Variants in EVC observed in about 807,000 individuals in gnomAD.
EVC encodes the protein evC complex member EVC.
Under a neutral mutation model 118.9 loss-of-function variants are expected in EVC, and 116 were observed. The ratio of observed to expected loss-of-function variants is 0.98; its 90% CI spans 0.84 to 1.14. The LOEUF (loss-of-function observed/expected upper bound fraction) is 1.14, where lower values mean the gene tolerates loss of function less well. EVC is among the 50% of genes most tolerant of loss of function. The pLI, the probability that EVC is intolerant of heterozygous loss-of-function variation, is 0.00. For missense variants in EVC, 1,401 were observed against 1,246.4 expected, an observed-to-expected ratio of 1.12 and a Z score of -1.87; for synonymous variants, 619 against 534.7, an observed-to-expected ratio of 1.16 and a Z score of -2.18.
intron 12 of EVC, among the ~76,000 whole-genome samples, chr4:5,791,202 G>A (rs1712719058): frequency 6.6e-6 from 1 of 152,200 alleles, no homozygotes; most frequent in African/African-American, 2.4e-5. Flanking sequence ...CGAACTAGAA[G>A]ATAAATGTGA....
In EVC at chr4:5,731,865, G is replaced by T. The variant is rs1726880547; in HGVS notation, c.617+208G>T. ...CCCAACACTGGGGTTATGGAGTCAG[G>T]CCTGAGCCCCGGGGAGAGATGACAG... On this transcript the variant is annotated intron_variant, in intron 4 of 20. Transcript: ENST00000264956. The surrounding 1 kb of genome is among the most constrained non-coding windows in gnomAD (Gnocchi z 5.6). 6.6e-6 allele frequency among the ~76,000 whole-genome samples: 1 copy of T among 152,154 alleles called. No individual in the cohort carries two copies. Among genetic ancestry groups the T allele is most frequent in the Admixed American group, 6.5e-5 (1 of 15,274 alleles).
rs544853403 is a variant in EVC, at chr4:5,746,999, G to A, written c.940-1149G>A. Among the ~76,000 whole-genome samples the A allele has an allele frequency of 1.8e-3, 275 of 152,250 alleles. No individual in the cohort carries two copies. The highest frequency in any genetic ancestry group is 6.2e-3 in the South Asian group (30 of 4,822). ...CAGTCACGTGGCAGGTGGAAGGCAG[G>A]TCATCTGATGGCTCCAAGGGGAAGA... is the stretch of plus-strand genomic sequence containing the variant. On this transcript the variant is annotated intron_variant, in intron 7 of 20. Transcript: ENST00000264956. The surrounding 1 kb of genome is among the most constrained non-coding windows in gnomAD (Gnocchi z 5.8).
intron 11 of EVC, among the ~76,000 whole-genome samples, chr4:5,779,775 TG>T (rs1172171108): frequency 7.3e-5 from 10 of 137,244 alleles, no homozygotes; most frequent in African/African-American, 2.3e-4. Context: ...TATACAATCA[TG>T]TCGTCTGCAA....
intron 1 of EVC, among the ~76,000 whole-genome samples, chr4:5,716,969 G>C (rs10804967): frequency 0.83 from 126,432 of 152,198 alleles, 52,827 homozygotes; most frequent in African/African-American, 0.92. Context: ...CCACGATGGT[G>C]TTGGTGAAAG....
In EVC at chr4:5,738,768, T is replaced by C. The variant is rs1304486429; in HGVS notation, c.703-2948T>C. On this transcript the variant is annotated intron_variant, in intron 5 of 20. Transcript: ENST00000264956. This position sits in a 1 kb window ranked among gnomAD's most constrained non-coding sequence, Gnocchi z 6.5. ...TTTTAGTAGAGACGGGGTTTCACCATGTTGGCCAGGATGGGTCTCAATCTC... is the reference window on the plus strand; with the variant it reads ...TTTTAGTAGAGACGGGGTTTCACCACGTTGGCCAGGATGGGTCTCAATCTC... Among the ~76,000 whole-genome samples, 1 of 152,118 alleles carries C rather than the reference T, an allele frequency of 6.6e-6. No individual in the cohort carries two copies. The highest frequency in any genetic ancestry group is 6.6e-5 in the Admixed American group (1 of 15,266).
At chr4:5,825,360 G>A in the EVC span, 29 of 1,433,568 alleles carry the variant, frequency 2.0e-5, no homozygotes, top group Middle Eastern at 2.6e-4. The surrounding 1 kb of genome is among the most constrained non-coding windows in gnomAD (Gnocchi z 4.4). Context: ...GAGCAGGCTC[G>A]GGTGGGGCAC....
rs758038673 is a variant in EVC at position 5,808,268 on chromosome 4, C to G, written c.2629C>G (p.Gln877Glu). The G allele has an allele frequency of 2.0e-5, 33 of 1,612,646 alleles. No homozygotes were observed. The highest frequency in any genetic ancestry group is 2.7e-5 in the Non-Finnish European group (32 of 1,179,428). The change falls in exon 18 of 21, where the codon CAG becomes GAG. Residue 877 changes from glutamine to glutamate, a missense_variant. By Grantham distance (29) the Gln-to-Glu change is conservative. Transcript: ENST00000264956. ...GCACCAGCAGATGCGTCTGCACGCC[C>G]AGCAGCAGCAGGCAGGAGTCATGGA... ...PVHQQMRLHA[Q>E]QQQAGVMDLL...
chr4:5,724,700 A>ATT (rs36029145), intron 2 of EVC, among the ~76,000 whole-genome samples: 4,661 of 144,854 alleles, frequency 0.032, 254 homozygotes, highest in African/African-American at 0.12. Flanking sequence ...TTTCCCTGTT[A>ATT]TTTTTTTTTT....
Position 5,741,475 on chromosome 4 carries a change from A to T in EVC, c.703-241A>T, listed in dbSNP as rs372166519. Among the ~76,000 whole-genome samples, 8 of 152,342 alleles carry T rather than the reference A, an allele frequency of 5.3e-5. No homozygotes were observed. The East Asian group carries it at 1.2e-3, about 22-fold the overall frequency. Reference sequence around the variant, plus strand: ...TCAATATTTGTTGAATACATGCATGAGGAAGAAAGGAAGCTTTTTAAGGAA... The same window carrying T: ...TCAATATTTGTTGAATACATGCATGTGGAAGAAAGGAAGCTTTTTAAGGAA... On this transcript the variant is annotated intron_variant, in intron 5 of 20. Coordinates refer to ENST00000264956, the MANE Select transcript of EVC (RefSeq NM_153717.3).
intron 16 of EVC, among the ~76,000 whole-genome samples, chr4:5,802,369 G>T (rs1715167295): frequency 6.6e-6 from 1 of 152,116 alleles, no homozygotes; most frequent in African/African-American, 2.4e-5. Context: ...CAGGGCCAGG[G>T]CTTATCTAGG....
chr4:5,825,770 GTGCA>G, the EVC span: 1 of 1,043,200 alleles, frequency 9.6e-7, no homozygotes, highest in South Asian at 1.5e-5. The surrounding 1 kb of genome is among the most constrained non-coding windows in gnomAD (Gnocchi z 4.4). Flanking sequence ...CACTTCAAAT[GTGCA>G]TGCACACACA....
At chr4:5,774,888 A>G (rs1423809026) in intron 11 of EVC, among the ~76,000 whole-genome samples, 4 of 152,164 alleles carry the variant, frequency 2.6e-5, no homozygotes, top group Admixed American at 2.6e-4. Context: ...GACATATGCC[A>G]GCATTAGTGG....
rs924386759 is a variant in EVC, at chr4:5,731,530, C to T, written c.490C>T (p.Leu164=). The T allele has an allele frequency of 3.1e-6, 5 of 1,613,998 alleles. No individual in the cohort carries two copies. The African/African-American group carries it at 6.7e-5, about 22-fold the overall frequency. The change falls in exon 4 of 21, where the codon CTG becomes TTG. Residue 164 remains leucine (L), a synonymous_variant. Transcript: ENST00000264956. The surrounding 1 kb of genome is among the most constrained non-coding windows in gnomAD (Gnocchi z 5.6). ...CTCTCCTTCCAGCAGTCTGGGGAGC[C>T]TGAGCCAGGGTGAGAAGGACGACTG... is the stretch of plus-strand genomic sequence containing the variant. ...EASPSSSLGS[L]SQGEKDDCSS... is the part of the protein sequence containing the mutation.
At chr4:5,802,512 A>G (rs1241841513) in intron 16 of EVC, among the ~76,000 whole-genome samples, 4 of 152,198 alleles carry the variant, frequency 2.6e-5, no homozygotes, top group Non-Finnish European at 5.9e-5. Flanking sequence ...CATTTCTATT[A>G]TTATTACATT....
chr4:5,719,999 C>T lies in EVC; in HGVS notation c.300+626C>T, dbSNP rs1724668928. Among the ~76,000 whole-genome samples, 1 of 152,096 alleles carries T rather than the reference C, an allele frequency of 6.6e-6. No individual in the cohort carries two copies. The highest frequency in any genetic ancestry group is 6.5e-5 in the Admixed American group (1 of 15,274). On this transcript the variant is annotated intron_variant, in intron 2 of 20. Transcript: ENST00000264956. The surrounding 1 kb of genome is among the most constrained non-coding windows in gnomAD (Gnocchi z 4.7). The stretch of plus-strand genomic sequence containing the variant: ...CATTTTACTTCCTTTAATTAAATCT[C>T]TGGGGGTGGGGGTGCTGGGCCTCTG...
At position 5,719,959 on chromosome 4, in the gene EVC, T is replaced by G. The variant is rs544410528; in HGVS notation, c.300+586T>G. Reference sequence around the variant, plus strand: ...TACTATGAATGTTGGTGCATAAGTCTGTTTATTTTCATTTCATTTTACTTC... The same window carrying G: ...TACTATGAATGTTGGTGCATAAGTCGGTTTATTTTCATTTCATTTTACTTC... On this transcript the variant is annotated intron_variant, in intron 2 of 20. Transcript: ENST00000264956. This position sits in a 1 kb window ranked among gnomAD's most constrained non-coding sequence, Gnocchi z 4.7. Among the ~76,000 whole-genome samples the G allele has an allele frequency of 1.3e-5, 2 of 152,340 alleles. No homozygotes were observed. Among genetic ancestry groups the G allele is most frequent in the East Asian group, 3.9e-4 (2 of 5,192 alleles).
chr4:5,725,927 C>A (rs528531441), intron 2 of EVC, among the ~76,000 whole-genome samples: 15 of 152,162 alleles, frequency 9.9e-5, no homozygotes, highest in Non-Finnish European at 1.9e-4. Context: ...ATTCTTGTCA[C>A]CCAAGTCTTT....
chr4:5,765,852 C>T (rs934025984), intron 11 of EVC, among the ~76,000 whole-genome samples: 1 of 150,434 alleles, frequency 6.6e-6, no homozygotes, highest in Non-Finnish European at 1.5e-5. Context: ...CTTGACTCTT[C>T]ATCCAGTTTG....
At chr4:5,722,638 C>G (rs1301819877) in intron 2 of EVC, among the ~76,000 whole-genome samples, 1 of 152,176 alleles carries the variant, frequency 6.6e-6, no homozygotes, top group Non-Finnish European at 1.5e-5. Context: ...CAGCCTCCGT[C>G]TCTCCATCCC....
Sources: allele counts gnomAD v4.1 joint callset (sites outside exome capture counted in the v4.1 genomes callset), GRCh38; gene constraint gnomAD v4.1.1; non-coding constraint Gnocchi (gnomAD v3.1); transcripts MANE v1.5; gene names NCBI Gene and HGNC (gene_info 2026-07-23, HGNC 2026-07-21).